SH3KBP1: variants seen among roughly 807,000 people sequenced by gnomAD.
The protein encoded by SH3KBP1 is SH3 domain containing kinase binding protein 1.
SH3KBP1 carries 8 observed loss-of-function variants against 50.1 expected under a neutral mutation model. The observed-to-expected ratio is 0.16, with a 90% CI of 0.09 to 0.29. The LOEUF (loss-of-function observed/expected upper bound fraction) is 0.29. SH3KBP1 is among the 10% of genes least tolerant of loss of function. SH3KBP1 has a pLI of 1.00. For missense variants in SH3KBP1, 377 were observed against 535.2 expected, an observed-to-expected ratio of 0.70 and a Z score of 2.92; for synonymous variants, 227 against 218.6, an observed-to-expected ratio of 1.04 and a Z score of -0.34.
intron 2 of SH3KBP1, among the ~76,000 whole-genome samples, chrX:19,789,611 T>G (rs781475500): frequency 9.2e-6 from 1 of 108,619 alleles, no homozygotes; most frequent in Non-Finnish European, 1.9e-5. Context: ...TCTCCTCTTC[T>G]TATGAGGACA....
intron 2 of SH3KBP1, among the ~76,000 whole-genome samples, chrX:19,782,834 C>T (rs1282728951): frequency 2.7e-5 from 3 of 111,414 alleles, no homozygotes; most frequent in African/African-American, 6.5e-5. Context: ...AGGTCAGGTG[C>T]GGTGGCTCAT....
chrX:19,588,487 G>A (rs1167693939), intron 12 of SH3KBP1, 156 bp downstream of exon 12: 1 of 1,197,694 alleles, frequency 8.3e-7, no homozygotes, highest in Non-Finnish European at 1.1e-6. Context: ...GAAGTGGCCG[G>A]TGTCTTCAGA....
chrX:19,874,068 A>AAAAAT (rs1491537486), intron 1 of SH3KBP1, among the ~76,000 whole-genome samples: 1 of 57,045 alleles, frequency 1.8e-5, no homozygotes, highest in African/African-American at 1.6e-4. Context: ...AAAAAAAAAA[A>AAAAAT]ATATATATAT....
At chrX:19,600,095 CAAAAAAAAAAAAA>C (rs1218369399) in intron 9 of SH3KBP1, among the ~76,000 whole-genome samples, 1 of 27,420 alleles carries the variant, frequency 3.6e-5, no homozygotes, top group South Asian at 2.0e-3. Context: ...GACTCCGTCT[CAAAAAAAAAAAAA>C]AAAAAAAAAA....
chrX:19,547,786 C>T (rs993201012), intron 14 of SH3KBP1, among the ~76,000 whole-genome samples: 2 of 112,086 alleles, frequency 1.8e-5, no homozygotes, highest in African/African-American at 3.2e-5. Context: ...TGCATTTCCT[C>T]CATCATTTCC....
intron 6 of SH3KBP1, among the ~76,000 whole-genome samples, chrX:19,673,206 T>C (rs1374916575): frequency 9.0e-6 from 1 of 111,370 alleles, no homozygotes; most frequent in Non-Finnish European, 1.9e-5. Context: ...TACTCTAAAA[T>C]TAAAAGTTGA....
At chrX:19,796,867 A>G (rs779665013) in intron 2 of SH3KBP1, among the ~76,000 whole-genome samples, 41 of 112,372 alleles carry the variant, frequency 3.6e-4, no homozygotes, top group African/African-American at 1.3e-3. Context: ...AATGCTCCCA[A>G]AGTGCCAGAG....
chrX:19,611,970 A>AAC (rs2067437082), intron 8 of SH3KBP1, among the ~76,000 whole-genome samples: 1 of 108,345 alleles, frequency 9.2e-6, no homozygotes, highest in Admixed American at 1.0e-4. Flanking sequence ...AAAAAAAAAA[A>AAC]AAAAAAAACA....
At chrX:19,708,097 T>C (rs1336326866) in intron 3 of SH3KBP1, among the ~76,000 whole-genome samples, 1 of 112,981 alleles carries the variant, frequency 8.9e-6, no homozygotes, top group Non-Finnish European at 1.9e-5. Context: ...ATCTTTTCTC[T>C]GAGAAAGGAA....
At chrX:19,785,074 C>T (rs2066296827) in intron 2 of SH3KBP1, among the ~76,000 whole-genome samples, 2 of 110,996 alleles carry the variant, frequency 1.8e-5, no homozygotes, top group South Asian at 7.5e-4. Flanking sequence ...CAGTGCCAAG[C>T]ACAGTGCCAG....
At chrX:19,649,515 C>T (rs766554525) in intron 6 of SH3KBP1, among the ~76,000 whole-genome samples, 1 of 111,647 alleles carries the variant, frequency 9.0e-6, no homozygotes, top group Non-Finnish European at 1.9e-5. Context: ...TACCAGGCTG[C>T]TGTCAACTTT....
intron 15 of SH3KBP1, among the ~76,000 whole-genome samples, chrX:19,545,058 G>T (rs770662600): frequency 1.8e-5 from 2 of 112,511 alleles, no homozygotes; most frequent in East Asian, 5.6e-4. Context: ...ATCACGTTTT[G>T]CTTACTGTAT....
intron 2 of SH3KBP1, among the ~76,000 whole-genome samples, chrX:19,819,965 G>A (rs889648173): frequency 2.7e-5 from 3 of 111,355 alleles, no homozygotes; most frequent in Non-Finnish European, 3.8e-5. Flanking sequence ...CTTCTTCTTT[G>A]ACCTGTGGAT....
At chrX:19,714,974 G>A (rs763523154) in intron 3 of SH3KBP1, among the ~76,000 whole-genome samples, 60 of 111,353 alleles carry the variant, frequency 5.4e-4, no homozygotes, top group East Asian at 1.4e-3. Context: ...TTTTCAAACC[G>A]TTTAAGGAAA....
chrX:19,741,938 A>T (rs1603171372), intron 3 of SH3KBP1, among the ~76,000 whole-genome samples: 1 of 111,760 alleles, frequency 8.9e-6, no homozygotes, highest in East Asian at 2.8e-4. Context: ...AGGCAGAGAT[A>T]CATCTTCTCT....
At chrX:19,726,717 T>A (rs746959921) in intron 3 of SH3KBP1, among the ~76,000 whole-genome samples, 3 of 111,758 alleles carry the variant, frequency 2.7e-5, no homozygotes, top group Admixed American at 9.5e-5. Context: ...AACACAACAT[T>A]CAGGGAGGAA....
At chrX:19,569,729 C>T (rs977501488) in intron 12 of SH3KBP1, among the ~76,000 whole-genome samples, 7 of 111,740 alleles carry the variant, frequency 6.3e-5, no homozygotes, top group South Asian at 3.8e-4. Context: ...TAACATTAGA[C>T]GGCTCCTGGA....
chrX:19,695,584 T>C, intron 5 of SH3KBP1, 28 bp downstream of exon 5: 1 of 1,206,390 alleles, frequency 8.3e-7, no homozygotes, highest in Non-Finnish European at 1.1e-6. Context: ...CCCGCCCCTC[T>C]CCTGCTTGGT....
rs767842654 is a variant in SH3KBP1, at chrX:19,852,084, G to T, written c.5-15802C>A. Reference sequence around the variant, plus strand: ...ACAGAGTGGAGGAAAGTGATGCTGTGTGACTTCTAGGCCATATTATGCAGT... The same window carrying T: ...ACAGAGTGGAGGAAAGTGATGCTGTTTGACTTCTAGGCCATATTATGCAGT... On this transcript the variant is annotated intron_variant, in intron 1 of 17. Transcript: ENST00000397821. Among the ~76,000 whole-genome samples, 6 of 111,585 alleles carry T rather than the reference G, an allele frequency of 5.4e-5. No homozygotes were observed. In the South Asian group the frequency reaches 2.2e-3, roughly 42 times the overall value.
Sources: gnomAD v4.1 joint callset for allele counts (sites outside exome capture counted in the v4.1 genomes callset) on GRCh38, gnomAD v4.1.1 for gene constraint, MANE v1.5 for transcripts, NCBI Gene and HGNC (gene_info 2026-07-23, HGNC 2026-07-21) for gene names.